ZFAT: variants seen among roughly 807,000 people sequenced by gnomAD.
ZFAT encodes zinc finger protein ZFAT.
ZFAT carries 64 observed loss-of-function variants against 117.7 expected under a neutral mutation model. The ratio of observed to expected loss-of-function variants is 0.54; its 90% CI spans 0.44 to 0.67. ZFAT has a LOEUF of 0.67. Ranked by LOEUF, ZFAT falls within the 30% of genes least tolerant of loss-of-function variation. ZFAT has a pLI of 0.00. For synonymous variants in ZFAT, 679 were observed against 615.0 expected (o/e 1.10, Z -1.54); for missense variants, 1,433 against 1,584.5 (o/e 0.90, Z 1.62).
At chr8:134,566,327 G>C (rs1421093722) in intron 10 of ZFAT, among the ~76,000 whole-genome samples, 2 of 141,182 alleles carry the variant, frequency 1.4e-5, no homozygotes, top group Non-Finnish European at 3.0e-5. Flanking sequence ...CCGGGAGGTG[G>C]AGCTTGCAGT....
At chr8:134,743,208 G>A in the ZFAT span, among the ~76,000 whole-genome samples, 1 of 152,252 alleles carries the variant, frequency 6.6e-6, no homozygotes, top group Non-Finnish European at 1.5e-5. Context: ...AGGAAAATGT[G>A]CCAGGTGTGG....
intron 8 of ZFAT, 24 bp from the exon 9 acceptor site, chr8:134,588,419 A>C: frequency 6.4e-7 from 1 of 1,555,466 alleles, no homozygotes; most frequent in Middle Eastern, 1.7e-4. Flanking sequence ...AGGATGTCAA[A>C]AGGAGTCAGA....
chr8:134,685,454 C>G (rs549851999), intron 1 of ZFAT, among the ~76,000 whole-genome samples: 1 of 152,298 alleles, frequency 6.6e-6, no homozygotes, highest in African/African-American at 2.4e-5. Context: ...TTAATTACAA[C>G]TAAGAAAAGT....
the ZFAT span, chr8:134,800,591 A>G: frequency 1.9e-6 from 1 of 513,560 alleles, no homozygotes; most frequent in Non-Finnish European, 4.1e-6. Context: ...GGATGTTTAC[A>G]TGAACTGAAA....
At chr8:134,591,958 T>C (rs150834629) in intron 7 of ZFAT, among the ~76,000 whole-genome samples, 192 of 152,296 alleles carry the variant, frequency 1.3e-3, no homozygotes, top group Middle Eastern at 6.8e-3. Context: ...TTGCCAAGCT[T>C]ACCAAGCCCA....
intron 7 of ZFAT, chr8:134,599,313 G>A (rs549504428): frequency 5.9e-4 from 95 of 161,422 alleles, no homozygotes; most frequent in Middle Eastern, 6.3e-3. Context: ...GTGTGTGTGC[G>A]CGCGCATGCA....
chr8:134,817,346 C>T, the ZFAT span, among the ~76,000 whole-genome samples: 1 of 151,382 alleles, frequency 6.6e-6, no homozygotes. Flanking sequence ...CCACCCACCA[C>T]AATCACGAGC....
In ZFAT at chr8:134,532,908, T is replaced by C. The variant is rs1227165677; in HGVS notation, c.3041A>G (p.Asn1014Ser). The C allele has an allele frequency of 6.2e-7, 1 of 1,609,682 alleles. No homozygotes were observed. Among genetic ancestry groups the C allele is most frequent in the Admixed American group, 1.7e-5 (1 of 59,462 alleles). Residue 1014 changes from asparagine (N) to serine (S), a missense_variant, in exon 12 of 16, where the codon AAC (asparagine) becomes AGC (serine). Asn to Ser is a conservative substitution (Grantham distance 46). Around this residue, in one of 5 missense-constraint regions of ZFAT, gnomAD observed 503 missense variants for 543.4 expected, o/e 0.93. Transcript: ENST00000377838. ...ATACTCCTCATTAGGGTGCTTCCTG[T>C]TGTAGTGCCGCTTCAGAGAGCCAGA... is the stretch of plus-strand genomic sequence containing the variant. ...NISGSLKRHY[N>S]RKHPNEEYAN...
At position 134,637,509 on chromosome 8, in the gene ZFAT, G is replaced by GCTTC; in HGVS notation, c.396_399dup (p.His134GlufsTer12). 2 of 1,614,000 alleles carry GCTTC rather than the reference G, an allele frequency of 1.2e-6. No homozygotes were observed. Among genetic ancestry groups the GCTTC allele is most frequent in the Non-Finnish European group, 1.7e-6 (2 of 1,179,864 alleles). On this transcript the variant is annotated frameshift_variant, in exon 3 of 16. Transcript: ENST00000377838. LOFTEE classifies it high-confidence loss of function. Reference sequence around the variant, plus strand: ...AAATTCAGCACGATAATGCAGATGTGCTTCCGCAGCTGGCGCGTGTTGGAG... The same window carrying GCTTC: ...AAATTCAGCACGATAATGCAGATGTGCTTCCTTCCGCAGCTGGCGCGTGTTGGAG...
chr8:134,645,322 C>T (rs892689500), intron 2 of ZFAT, among the ~76,000 whole-genome samples: 3 of 152,148 alleles, frequency 2.0e-5, no homozygotes, highest in African/African-American at 7.2e-5. Context: ...AACTAAGCCT[C>T]TACAAGCCTC....
the ZFAT span, among the ~76,000 whole-genome samples, chr8:134,739,497 T>C: frequency 1.3e-5 from 2 of 152,200 alleles, no homozygotes. Flanking sequence ...TGTCTTATTT[T>C]GTTAACTTTT....
chr8:134,747,438 G>T, the ZFAT span, among the ~76,000 whole-genome samples: 3 of 152,108 alleles, frequency 2.0e-5, no homozygotes, highest in Admixed American at 6.6e-5. Context: ...CATCCTTTCT[G>T]AAATCTTATA....
At chr8:134,734,735 T>C in the ZFAT span, among the ~76,000 whole-genome samples, 1 of 152,138 alleles carries the variant, frequency 6.6e-6, no homozygotes, top group Non-Finnish European at 1.5e-5. Context: ...CCTAACACCA[T>C]GTGTTCCGGG....
At chr8:134,782,585 C>T in the ZFAT span, among the ~76,000 whole-genome samples, 16 of 152,130 alleles carry the variant, frequency 1.1e-4, no homozygotes, top group South Asian at 2.1e-4. Context: ...TGGCAGATAA[C>T]GGAATCATGG....
the ZFAT span, among the ~76,000 whole-genome samples, chr8:134,814,295 T>C: frequency 1.3e-5 from 2 of 152,210 alleles, no homozygotes; most frequent in Non-Finnish European, 2.9e-5. Flanking sequence ...AACAAAATGA[T>C]AGCTGTTTCT....
chr8:134,766,497 T>C, the ZFAT span: 6 of 152,234 alleles, frequency 3.9e-5, no homozygotes, highest in African/African-American at 1.4e-4. Flanking sequence ...GTTTGATGCG[T>C]GTCTGCTTCC....
chr8:134,706,150 C>A (rs945741773), intron 1 of ZFAT, among the ~76,000 whole-genome samples: 1 of 152,142 alleles, frequency 6.6e-6, no homozygotes, highest in Non-Finnish European at 1.5e-5. Context: ...CCAGAAATTC[C>A]ACTCCTATGT....
Position 134,478,745 on chromosome 8 carries a change from G to C in ZFAT, c.3493-24C>G. On this transcript the variant is annotated intron_variant, in intron 15 of 15. Transcript: ENST00000377838. The surrounding 1 kb of genome is among the most constrained non-coding windows in gnomAD (Gnocchi z 5.2). ...ACCTGCGGGAGGAGGGCAAGAGAAA[G>C]GTCACCCAGCGCCTACTTCCCGGTC... 6.5e-7 allele frequency: 1 copy of C among 1,539,012 alleles called. No homozygotes were observed. Among genetic ancestry groups the C allele is most frequent in the Non-Finnish European group, 8.8e-7 (1 of 1,140,166 alleles).
At chr8:134,513,584 G>C (rs1820021455) in intron 13 of ZFAT, among the ~76,000 whole-genome samples, 1 of 152,170 alleles carries the variant, frequency 6.6e-6, no homozygotes, top group Non-Finnish European at 1.5e-5. Context: ...GGCATTCACA[G>C]GTACCTCGTG....
Sources: allele counts gnomAD v4.1 joint callset (sites outside exome capture counted in the v4.1 genomes callset), GRCh38; gene constraint gnomAD v4.1.1; regional missense constraint gnomAD v4.1.1; non-coding constraint Gnocchi (gnomAD v3.1); transcripts MANE v1.5; gene names NCBI Gene and HGNC (gene_info 2026-07-23, HGNC 2026-07-21).